Variants in DOP1B observed in about 807,000 individuals in gnomAD.
The protein encoded by DOP1B is protein DOP1B.
A neutral mutation model predicts 233.5 loss-of-function variants in DOP1B; 174 were observed. The ratio of observed to expected loss-of-function variants is 0.75; its 90% CI spans 0.66 to 0.85. The LOEUF (loss-of-function observed/expected upper bound fraction) is 0.85, where lower values mean the gene tolerates loss of function less well. DOP1B is among the 40% of genes least tolerant of loss of function. The pLI is 0.00. For synonymous variants in DOP1B, 1,190 were observed against 1,185.6 expected (o/e 1.00, Z -0.08); for missense variants, 2,652 against 2,846.6 (o/e 0.93, Z 1.56).
intron 2 of DOP1B, among the ~76,000 whole-genome samples, chr21:36,174,958 G>T (rs11701901): frequency 0.46 from 70,342 of 151,896 alleles, 16,468 homozygotes; most frequent in African/African-American, 0.5. Context: ...AGATTGTTTT[G>T]TTTCACAGTT....
chr21:36,211,712 C>T, intron 6 of DOP1B, 61 bp downstream of exon 6: 2 of 1,544,316 alleles, frequency 1.3e-6, no homozygotes, highest in South Asian at 1.1e-5. Context: ...GGATATAGAT[C>T]TCAAGCAGTT....
intron 32 of DOP1B, among the ~76,000 whole-genome samples, chr21:36,286,401 A>G (rs1301621191): frequency 4.6e-5 from 7 of 151,918 alleles, no homozygotes; most frequent in Admixed American, 4.6e-4. Context: ...TTGAGAAGCC[A>G]AGGAGGGCAG....
intron 28 of DOP1B, 110 bp downstream of exon 28, chr21:36,277,210 C>A: frequency 9.6e-7 from 1 of 1,041,750 alleles, no homozygotes; most frequent in Non-Finnish European, 1.4e-6. Flanking sequence ...CGCACCCTCC[C>A]AGGTGAGCTC....
intron 2 of DOP1B, among the ~76,000 whole-genome samples, chr21:36,197,926 G>A (rs763910764): frequency 2.0e-5 from 3 of 151,256 alleles, no homozygotes; most frequent in Non-Finnish European, 2.9e-5. Context: ...AAGGAGAATC[G>A]CTTGAACCCA....
At chr21:36,293,108 A>T (rs951964594) in intron 36 of DOP1B, among the ~76,000 whole-genome samples, 5 of 151,570 alleles carry the variant, frequency 3.3e-5, no homozygotes, top group African/African-American at 1.2e-4. Context: ...CAGGAAGCTG[A>T]GGCAAGAGAA....
At chr21:36,265,382 G>A (rs376126559) in intron 26 of DOP1B, among the ~76,000 whole-genome samples, 2 of 151,846 alleles carry the variant, frequency 1.3e-5, no homozygotes, top group South Asian at 2.1e-4. Context: ...GGCAACAAGC[G>A]TGAAACTTCG....
intron 27 of DOP1B, among the ~76,000 whole-genome samples, chr21:36,274,896 G>A (rs549602176): frequency 3.3e-5 from 5 of 152,256 alleles, no homozygotes; most frequent in African/African-American, 1.2e-4. Flanking sequence ...CCAGGCAGGA[G>A]TGCAGTGGCG....
rs2066970844 is a variant in DOP1B at position 36,246,752 on chromosome 21, T to G, written c.4697+75T>G. 2 of 1,522,966 alleles carry G rather than the reference T, an allele frequency of 1.3e-6. No homozygotes were observed. Among genetic ancestry groups the G allele is most frequent in the East Asian group, 2.3e-5 (1 of 43,984 alleles). 94.3% of individuals were successfully genotyped at this position (1,522,966 alleles called of 1,614,324 possible). ...TAACGAATGACTGTTTTGCCACGGA[T>G]GTGGATGTCGGTTGGAGGATAATTT... On this transcript the variant is annotated intron_variant, in intron 19 of 36. Transcript: ENST00000691173. The surrounding 1 kb of genome is among the most constrained non-coding windows in gnomAD (Gnocchi z 5.1).
chr21:36,220,667 ATTTT>A (rs201067094), intron 10 of DOP1B, among the ~76,000 whole-genome samples: 2 of 134,896 alleles, frequency 1.5e-5, no homozygotes, highest in Non-Finnish European at 1.6e-5. Flanking sequence ...TGCCCAGCTA[ATTTT>A]TTTTTTTTTT....
chr21:36,277,422 A>G (rs2067364062), intron 28 of DOP1B, among the ~76,000 whole-genome samples: 1 of 151,482 alleles, frequency 6.6e-6, no homozygotes, highest in Admixed American at 6.6e-5. Flanking sequence ...AGCTGGGACT[A>G]CAGGTGCGCG....
chr21:36,255,433 T>C (rs1163446669), intron 23 of DOP1B, among the ~76,000 whole-genome samples: 1 of 151,476 alleles, frequency 6.6e-6, no homozygotes, highest in Non-Finnish European at 1.5e-5. Flanking sequence ...GGCCAAAATT[T>C]GCATAATTTT....
At chr21:36,263,354 T>C (rs11088343) in intron 24 of DOP1B, among the ~76,000 whole-genome samples, 192 bp from the exon 25 acceptor site, 144,962 of 152,244 alleles carry the variant, frequency 0.95, 69,071 homozygotes, top group East Asian at 1. Context: ...TTTCAGGTTC[T>C]CAAACTCCAA....
At chr21:36,206,383 T>G (rs1372791937) in intron 4 of DOP1B, among the ~76,000 whole-genome samples, 1 of 151,960 alleles carries the variant, frequency 6.6e-6, no homozygotes, top group African/African-American at 2.4e-5. Context: ...ATGCAAAAAT[T>G]AGCCCAGTGT....
intron 26 of DOP1B, among the ~76,000 whole-genome samples, chr21:36,267,821 C>A (rs1023255922): frequency 1.3e-4 from 20 of 152,060 alleles, no homozygotes; most frequent in African/African-American, 4.8e-4. Flanking sequence ...GTGATGCCCT[C>A]CTGAGCCTCA....
At chr21:36,227,161 TCAC>T (rs2066696847) in intron 12 of DOP1B, among the ~76,000 whole-genome samples, 1 of 148,382 alleles carries the variant, frequency 6.7e-6, no homozygotes, top group African/African-American at 2.5e-5. Context: ...TGAGCCGAGA[TCAC>T]ACCACTGCAC....
intron 10 of DOP1B, among the ~76,000 whole-genome samples, chr21:36,221,194 A>T (rs1055298333): frequency 6.6e-6 from 1 of 152,044 alleles, no homozygotes; most frequent in Non-Finnish European, 1.5e-5. Flanking sequence ...TTTGTTAAGG[A>T]TTTATCATTT....
In DOP1B at chr21:36,214,520, C is replaced by T. The variant is rs773811175; in HGVS notation, c.1093C>T (p.Arg365Cys). The T allele has an allele frequency of 1.3e-5, 21 of 1,613,850 alleles. No homozygotes were observed. Among genetic ancestry groups the T allele is most frequent in the East Asian group, 6.7e-5 (3 of 44,896 alleles). Residue 365 changes from arginine (R) to cysteine (C), a missense_variant, in exon 9 of 37, where the codon CGC becomes TGC. This residue lies in a region of DOP1B where 2,617 missense variants were observed against 2,794.3 expected (regional missense o/e 0.94). Transcript: ENST00000691173. ...ERHHAYLKPF[R>C]VLISLLDKPE... is the part of the protein sequence containing the mutation. ...CCATCATGCATACCTGAAGCCTTTT[C>T]GCGTCCTCATCAGTCTGCTTGACAA...
rs1288010587 is a variant in DOP1B, at chr21:36,253,834, C to T, written c.5184C>T (p.Thr1728=). 1.9e-6 allele frequency: 3 copies of T among 1,613,794 alleles called. No homozygotes were observed. The African/African-American group carries it at 4.0e-5, about 22-fold the overall frequency. Residue 1728 remains threonine (T), a synonymous_variant, in exon 23 of 37, where the codon ACC becomes ACT. Coordinates refer to ENST00000691173, the MANE Select transcript of DOP1B (RefSeq NM_001320714.2). ...TCGACTTGGTGTGTGCACTCAGCAC[C>T]CTGCAGACTGACACGCTGCTGCACC... ...TLVDLVCALS[T]LQTDTLLHLV...
At chr21:36,236,312 A>T (rs551650567) in intron 15 of DOP1B, among the ~76,000 whole-genome samples, 2 of 152,264 alleles carry the variant, frequency 1.3e-5, no homozygotes, top group East Asian at 3.9e-4. Flanking sequence ...GGAGGACACG[A>T]TTTGGGGGTA....
Sources: allele counts gnomAD v4.1 joint callset (sites outside exome capture counted in the v4.1 genomes callset), GRCh38; gene constraint gnomAD v4.1.1; regional missense constraint gnomAD v4.1.1; non-coding constraint Gnocchi (gnomAD v3.1); transcripts MANE v1.5; gene names NCBI Gene and HGNC (gene_info 2026-07-23, HGNC 2026-07-21).